CPT1B: variants seen among roughly 807,000 people sequenced by gnomAD.
CPT1B encodes carnitine palmitoyltransferase 1B, also known as carnitine O-palmitoyltransferase 1, muscle isoform.
A neutral mutation model predicts 92.7 loss-of-function variants in CPT1B; 57 were observed. The ratio of observed to expected loss-of-function variants is 0.62; its 90% CI spans 0.50 to 0.77. CPT1B has a LOEUF of 0.77. Ranked by LOEUF, CPT1B falls within the 30% of genes least tolerant of loss-of-function variation. CPT1B has a pLI of 0.00. For missense variants in CPT1B, 983 were observed against 1,017.4 expected, an observed-to-expected ratio of 0.97 and a Z score of 0.46; for synonymous variants, 398 against 383.5, an observed-to-expected ratio of 1.04 and a Z score of -0.44.
At chr22:50,577,056 T>A in intron 3 of CPT1B, 22 bp from the exon 4 acceptor site, 1 of 1,611,384 alleles carries the variant, frequency 6.2e-7, no homozygotes, top group Non-Finnish European at 8.5e-7. Context: ...GGGCAAGGGC[T>A]GCAGGGGGTC....
rs777233950 is a variant in CPT1B at position 50,571,452 on chromosome 22, C to T, written c.1663G>A (p.Gly555Ser). ...CGGCACTTCTTGATGAGGCCTTTGC[C>T]AAAGGGCAGGAACTGGAAGCAGTAC... ...ELYCFQFLPFGKGLIKKCRTS... is the reference protein window; with the variant it reads ...ELYCFQFLPFSKGLIKKCRTS... Residue 555 changes from glycine to serine, a missense_variant, in exon 14 of 20, where the codon GGC becomes AGC. Physicochemically the swap from Gly to Ser is moderately conservative, Grantham distance 56 (BLOSUM62 0). Coordinates refer to ENST00000312108, the MANE Select transcript of CPT1B (RefSeq NM_152246.3). The T allele has an allele frequency of 4.3e-6, 7 of 1,613,830 alleles. No individual in the cohort carries two copies. The highest frequency in any genetic ancestry group is 5.9e-6 in the Non-Finnish European group (7 of 1,180,042).
chr22:50,577,963 C>A (rs367548139), intron 1 of CPT1B, 29 bp from the exon 2 acceptor site: 4 of 1,550,860 alleles, frequency 2.6e-6, no homozygotes, highest in Non-Finnish European at 1.8e-6. Flanking sequence ...GGTGCGCGGG[C>A]GCGCTTAGGC....
Position 50,573,545 on chromosome 22 carries a change from G to A in CPT1B, c.1141C>T (p.Leu381=). The change falls in exon 10 of 20, where the codon CTG becomes TTG. Residue 381 remains leucine, a synonymous_variant. Transcript: ENST00000312108. The surrounding 1 kb of genome is among the most constrained non-coding windows in gnomAD (Gnocchi z 5.0). ...CTTCCTCCTGCAGTGAGGGCTGCCA[G>A]CTTCTCCTCCCCAGGCTGAGGTGGG... is the stretch of plus-strand genomic sequence containing the variant. The part of the protein sequence containing the change: ...PSPPQPGEEK[L]AALTAGGRVE... The A allele has an allele frequency of 6.2e-7, 1 of 1,612,590 alleles. No homozygotes were observed. Among genetic ancestry groups the A allele is most frequent in the East Asian group, 2.2e-5 (1 of 44,852 alleles).
chr22:50,577,764 C>T lies in CPT1B; in HGVS notation c.141+11G>A. On this transcript the variant is annotated intron_variant, in intron 2 of 19. Coordinates refer to ENST00000312108, the MANE Select transcript of CPT1B (RefSeq NM_152246.3). The stretch of plus-strand genomic sequence containing the variant: ...CTCTGCCTACGCTCTGGGAGAAGCA[C>T]CTGTGCGCACCTTGATGCGGATCAG... 6.2e-7 allele frequency: 1 copy of T among 1,611,128 alleles called. No individual in the cohort carries two copies. Among genetic ancestry groups the T allele is most frequent in the South Asian group, 1.1e-5 (1 of 91,058 alleles).
At chr22:50,571,827 C>T in intron 13 of CPT1B, 179 bp downstream of exon 13, 1 of 717,350 alleles carries the variant, frequency 1.4e-6, no homozygotes, top group Non-Finnish European at 2.4e-6. Context: ...GGTGGGTGGT[C>T]TCTGTCCTCC....
intron 18 of CPT1B, 71 bp from the exon 19 acceptor site, chr22:50,569,492 C>T (rs745527087): frequency 1.3e-4 from 203 of 1,605,762 alleles, no homozygotes; most frequent in Non-Finnish European, 8.8e-5. Context: ...AGCAAGGATG[C>T]CTCCCCAGCC....
intron 11 of CPT1B, 86 bp downstream of exon 11, chr22:50,572,789 C>G: frequency 6.9e-7 from 1 of 1,450,340 alleles, no homozygotes; most frequent in Non-Finnish European, 9.5e-7. Context: ...CAGCTCATAA[C>G]CCTACCTTCT....
rs184896296 is a variant in CPT1B, at chr22:50,568,928, C to T, written c.*156G>A. On this transcript the variant is annotated 3_prime_UTR_variant, in exon 20 of 20. Coordinates refer to ENST00000312108, the MANE Select transcript of CPT1B (RefSeq NM_152246.3). ...GCGTGGACAGCTATCTCAGAGCCTA[C>T]GTCACTCAGCAGAGTCACACATTTC... is the stretch of plus-strand genomic sequence containing the variant. The T allele has an allele frequency of 1.3e-3, 216 of 167,042 alleles. 3 individuals carry two copies. Among genetic ancestry groups the T allele is most frequent in the Admixed American group, 0.012 (207 of 16,646 alleles). 10.3% of individuals were successfully genotyped at this position (167,042 alleles called of 1,614,324 possible).
intron 13 of CPT1B, 47 bp from the exon 14 acceptor site, chr22:50,571,586 A>G (rs1306173581): frequency 1.9e-6 from 3 of 1,593,948 alleles, no homozygotes; most frequent in Non-Finnish European, 2.6e-6. Flanking sequence ...CTCTCCAAGC[A>G]GGACTCTGGG....
chr22:50,576,929 C>A lies in CPT1B; in HGVS notation c.387G>T (p.Lys129Asn), dbSNP rs754553367. 3.4e-5 allele frequency: 55 copies of A among 1,613,976 alleles called. No individual in the cohort carries two copies. Among genetic ancestry groups the A allele is most frequent in the Non-Finnish European group, 4.2e-5 (49 of 1,180,036 alleles). ...TGIFFFRQTL[K>N]LLLCYHGWMF... is the part of the protein sequence containing the mutation. ...TCCACCCATGGTAGCAGAGAAGCAG[C>A]TTCAGGGTTTGGCGGAAGAAGAAGA... is the stretch of plus-strand genomic sequence containing the variant. The change falls in exon 4 of 20, where the codon AAG (lysine) becomes AAT (asparagine). Residue 129 changes from lysine to asparagine, a missense_variant. By Grantham distance (94) the Lys-to-Asn change is moderately conservative. Transcript: ENST00000312108.
In CPT1B at chr22:50,577,963, C is replaced by T. The variant is rs367548139; in HGVS notation, c.-19-29G>A. On this transcript the variant is annotated intron_variant, in intron 1 of 19. Coordinates refer to ENST00000312108, the MANE Select transcript of CPT1B (RefSeq NM_152246.3). ...GGACGGGGGCAGATGGGTGCGCGGG[C>T]GCGCTTAGGCCGGCCCCGCCGCCAG... The T allele has an allele frequency of 7.7e-6, 12 of 1,550,752 alleles. No homozygotes were observed. The African/African-American group carries it at 1.2e-4, about 16-fold the overall frequency.
intron 9 of CPT1B, 75 bp downstream of exon 9, chr22:50,574,260 G>A (rs550144267): frequency 3.1e-5 from 36 of 1,161,292 alleles, no homozygotes; most frequent in South Asian, 2.2e-4. Context: ...CACTGGGGAC[G>A]CTTGGTGATG....
intron 5 of CPT1B, 40 bp downstream of exon 5, chr22:50,576,496 A>G (rs17848454): frequency 6.3e-7 from 1 of 1,588,314 alleles, no homozygotes; most frequent in Non-Finnish European, 8.6e-7. Flanking sequence ...CCTGAATCCA[A>G]CCTCCCCTGC....
At position 50,577,470 on chromosome 22, in the gene CPT1B, G is replaced by C. The variant is rs2070503383; in HGVS notation, c.142-7C>G. On this transcript the variant is annotated splice_region_variant and splice_polypyrimidine_tract_variant and intron_variant, in intron 2 of 19. Transcript: ENST00000312108. ...CGCCCCTGAGGATGCCATTCTGTGGGCAGAAACAGGCGCCCTTATGGAGCC... is the reference window on the plus strand; with the variant it reads ...CGCCCCTGAGGATGCCATTCTGTGGCCAGAAACAGGCGCCCTTATGGAGCC... 3 of 1,613,254 alleles carry C rather than the reference G, an allele frequency of 1.9e-6. No homozygotes were observed. Among genetic ancestry groups the C allele is most frequent in the Non-Finnish European group, 2.5e-6 (3 of 1,179,828 alleles).
chr22:50,571,842 A>G, intron 13 of CPT1B, 164 bp downstream of exon 13: 3 of 751,394 alleles, frequency 4.0e-6, no homozygotes, highest in Non-Finnish European at 6.7e-6. Context: ...TCCTCCCTGA[A>G]GCCAGTTTGG....
chr22:50,572,341 G>T, intron 11 of CPT1B, 33 bp from the exon 12 acceptor site: 1 of 1,484,000 alleles, frequency 6.7e-7, no homozygotes, highest in Non-Finnish European at 9.4e-7. Flanking sequence ...AAGAACCAAA[G>T]CTGGGAATGT....
In CPT1B at chr22:50,576,268, T is replaced by A. The variant is rs772211998; in HGVS notation, c.629A>T (p.Glu210Val). The A allele has an allele frequency of 1.5e-5, 25 of 1,613,944 alleles. 1 individual carries two copies. In the Admixed American group the frequency reaches 3.8e-4, roughly 25 times the overall value. The part of the protein sequence containing the change: ...EYYRMELLAK[E>V]FQDKTAPRLQ... ...CCTGGGGGCAGTCTTGTCCTGGAAT[T>A]CTTTGGCCAGCAACTCCATGCGGTA... is the stretch of plus-strand genomic sequence containing the variant. The change falls in exon 6 of 20, where the codon GAA becomes GTA. Residue 210 changes from glutamate (E) to valine (V), a missense_variant. Physicochemically the swap from Glu to Val is moderately radical, Grantham distance 121. Transcript: ENST00000312108.
Position 50,571,649 on chromosome 22 carries a change from A to C in CPT1B, c.1576-110T>G, listed in dbSNP as rs1485009421. The C allele has an allele frequency of 2.4e-6, 3 of 1,240,190 alleles. No individual in the cohort carries two copies. In the African/African-American group the frequency reaches 4.5e-5, roughly 18 times the overall value. The allele number at this position is 1,240,190 out of a possible 1,614,324, so 76.8% of individuals were successfully genotyped here. ...TGGTGGAGAAAGGGCACAGCCGGCC[A>C]AGACATCTTCAGGAGGAGGGTACGC... On this transcript the variant is annotated intron_variant, in intron 13 of 19. Coordinates refer to ENST00000312108, the MANE Select transcript of CPT1B (RefSeq NM_152246.3).
intron 2 of CPT1B, 80 bp from the exon 3 acceptor site, chr22:50,577,543 T>C (rs931595245): frequency 6.4e-7 from 1 of 1,561,858 alleles, no homozygotes; most frequent in Non-Finnish European, 8.7e-7. Context: ...AACTGGCTCC[T>C]GGTCTTGGCC....
Sources: gnomAD v4.1 joint callset for allele counts on GRCh38, gnomAD v4.1.1 for gene constraint, Gnocchi (gnomAD v3.1) non-coding constraint, MANE v1.5 for transcripts, NCBI Gene and HGNC (gene_info 2026-07-23, HGNC 2026-07-21) for gene names.